GCLM: variants seen among roughly 807,000 people sequenced by gnomAD.
GCLM encodes the protein glutamate-cysteine ligase modifier subunit.
A neutral mutation model predicts 36.0 loss-of-function variants in GCLM; 15 were observed. That is an observed-to-expected ratio of 0.42 (90% CI 0.28 to 0.64). GCLM has a LOEUF of 0.64. Ranked by LOEUF, GCLM falls within the 30% of genes least tolerant of loss-of-function variation. The pLI is 0.25. For synonymous variants in GCLM, 129 were observed against 122.8 expected, an observed-to-expected ratio of 1.05 and a Z score of -0.34; for missense variants, 242 against 325.5, an observed-to-expected ratio of 0.74 and a Z score of 1.97.
intron 1 of GCLM, among the ~76,000 whole-genome samples, chr1:93,908,039 A>C (rs1657207547): frequency 6.6e-6 from 1 of 152,208 alleles, no homozygotes; most frequent in Non-Finnish European, 1.5e-5. Context: ...TGACAGGGAG[A>C]TAGATGCCTG....
chr1:93,907,550 C>T lies in GCLM; in HGVS notation c.126+1488G>A, dbSNP rs572308764. Among the ~76,000 whole-genome samples the T allele has an allele frequency of 1.1e-4, 17 of 152,264 alleles. No homozygotes were observed. The South Asian group carries it at 3.1e-3, about 28-fold the overall frequency. ...AGTCAGAAACTCTTTTGAGTCACTA[C>T]TTTAGAGTATGCTATTGTGAGATAG... is the stretch of plus-strand genomic sequence containing the variant. On this transcript the variant is annotated intron_variant, in intron 1 of 6. Transcript: ENST00000370238.
At chr1:93,895,963 C>CTTTTT (rs577913729) in intron 5 of GCLM, among the ~76,000 whole-genome samples, 1 of 133,516 alleles carries the variant, frequency 7.5e-6, no homozygotes, top group Non-Finnish European at 1.6e-5. Context: ...GTTTTTCTTT[C>CTTTTT]TTTTTTTTTT....
At position 93,909,080 on chromosome 1, in the gene GCLM, C is replaced by A; in HGVS notation, c.84G>T (p.Trp28Cys). Residue 28 changes from tryptophan to cysteine, a missense_variant, in exon 1 of 7, where the codon TGG becomes TGT. Trp to Cys is a radical substitution (Grantham distance 215). Coordinates refer to ENST00000370238, the MANE Select transcript of GCLM (RefSeq NM_002061.4). The part of the protein sequence containing the change: ...LHLQTGNLLN[W>C]GRLRKKCPST... Reference sequence around the variant, plus strand: ...ACGGGCACTTCTTCCGCAGGCGGCCCCAGTTCAGCAGGTTCCCCGTCTGCA... The same window carrying A: ...ACGGGCACTTCTTCCGCAGGCGGCCACAGTTCAGCAGGTTCCCCGTCTGCA... The A allele has an allele frequency of 6.8e-7, 1 of 1,475,178 alleles. No individual in the cohort carries two copies. Among genetic ancestry groups the A allele is most frequent in the Non-Finnish European group, 8.9e-7 (1 of 1,118,800 alleles). 91.4% of individuals were successfully genotyped at this position (1,475,178 alleles called of 1,614,324 possible). A position where few individuals can be genotyped will look rare whatever the true frequency, so the allele number is the denominator to read the frequency against.
intron 3 of GCLM, among the ~76,000 whole-genome samples, chr1:93,901,143 A>T (rs889685772): frequency 6.6e-6 from 1 of 152,148 alleles, no homozygotes; most frequent in Non-Finnish European, 1.5e-5. Context: ...AATGGGTGTT[A>T]CAGTATTTTC....
intron 1 of GCLM, 42 bp from the exon 2 acceptor site, chr1:93,904,630 T>C (rs780500496): frequency 8.1e-7 from 1 of 1,229,330 alleles, no homozygotes; most frequent in South Asian, 1.2e-5. Flanking sequence ...TCAAAGTCTA[T>C]ATACTTTTCT....
At chr1:93,908,658 C>T (rs1172463624) in intron 1 of GCLM, 2 of 161,398 alleles carry the variant, frequency 1.2e-5, no homozygotes, top group African/African-American at 2.4e-5. Flanking sequence ...CGAAAATATT[C>T]CTTTACCTGG....
chr1:93,908,929 G>A (rs1320438148), intron 1 of GCLM, 109 bp downstream of exon 1: 3 of 886,132 alleles, frequency 3.4e-6, no homozygotes, highest in South Asian at 2.6e-5. Flanking sequence ...AGGTGCGCGC[G>A]AGGCCCTGCC....
At chr1:93,898,135 A>G (rs17886490) in intron 3 of GCLM, among the ~76,000 whole-genome samples, 2 of 152,026 alleles carry the variant, frequency 1.3e-5, no homozygotes, top group East Asian at 3.8e-4. Context: ...CAAAAAGTAA[A>G]TATTTATTTC....
In GCLM at chr1:93,909,059, G is replaced by A. The variant is rs543559869; in HGVS notation, c.105C>T (p.Cys35=). ...LLNWGRLRKK[C]PSTHSEELHD... ...TCACCTCCTCGCTGTGCGTGGACGGGCACTTCTTCCGCAGGCGGCCCCAGT... is the reference window on the plus strand; with the variant it reads ...TCACCTCCTCGCTGTGCGTGGACGGACACTTCTTCCGCAGGCGGCCCCAGT... Residue 35 remains cysteine (C), a synonymous_variant, in exon 1 of 7, where the codon TGC becomes TGT. Coordinates refer to ENST00000370238, the MANE Select transcript of GCLM (RefSeq NM_002061.4). The A allele has an allele frequency of 1.7e-4, 247 of 1,474,378 alleles. 3 individuals carry two copies. In the East Asian group the frequency reaches 7.3e-3, roughly 43 times the overall value. 91.3% of individuals were successfully genotyped at this position (1,474,378 alleles called of 1,614,324 possible).
chr1:93,894,759 T>A, intron 5 of GCLM, 31 bp from the exon 6 acceptor site: 1 of 986,760 alleles, frequency 1.0e-6, no homozygotes, highest in Non-Finnish European at 1.6e-6. Flanking sequence ...ATGATATCAC[T>A]ACTAAATTAA....
intron 1 of GCLM, among the ~76,000 whole-genome samples, chr1:93,907,712 G>A (rs1171814469): frequency 6.6e-6 from 1 of 152,120 alleles, no homozygotes; most frequent in Non-Finnish European, 1.5e-5. Flanking sequence ...CAAAGTAGGT[G>A]GTTTAAATAA....
Position 93,886,472 on chromosome 1 carries a change from T to C in GCLM, c.*2518A>G, listed in dbSNP as rs1277370283. On this transcript the variant is annotated 3_prime_UTR_variant, in exon 7 of 7. Coordinates refer to ENST00000370238, the MANE Select transcript of GCLM (RefSeq NM_002061.4). ...TGTGAACATCAGCCTGGAAAACATA[T>C]ATAAAGCCTTAAAAATCAGTGTTTT... 2.0e-5 allele frequency: 3 copies of C among 152,122 alleles called. No individual in the cohort carries two copies. The highest frequency in any genetic ancestry group is 4.8e-5 in the African/African-American group (2 of 41,440). 9.4% of individuals were successfully genotyped at this position (152,122 alleles called of 1,614,324 possible). A position where few individuals can be genotyped will look rare whatever the true frequency, so the allele number is the denominator to read the frequency against.
Position 93,887,012 on chromosome 1 carries a change from T to TTC in GCLM, c.*1977_*1978insGA, listed in dbSNP as rs1297365313. 1 of 151,648 alleles carries TTC rather than the reference T, an allele frequency of 6.6e-6. No individual in the cohort carries two copies. The highest frequency in any genetic ancestry group is 1.9e-4 in the East Asian group (1 of 5,200). The allele number at this position is 151,648 out of a possible 1,614,324, so 9.4% of individuals were successfully genotyped here. A position where few individuals can be genotyped will look rare whatever the true frequency, so the allele number is the denominator to read the frequency against. ...CATAATTTTTCTTTTTTTTTTTTTT[T>TTC]TGAGACGCAGTCTCGCTCTGTCGCC... On this transcript the variant is annotated 3_prime_UTR_variant, in exon 7 of 7. Coordinates refer to ENST00000370238, the MANE Select transcript of GCLM (RefSeq NM_002061.4).
chr1:93,908,462 T>C lies in GCLM; in HGVS notation c.126+576A>G, dbSNP rs1657228289. ...GCATAGAATGTGTACTGATAAAGCA[T>C]ACATAGACGCACAGATAAGTGCATA... is the stretch of plus-strand genomic sequence containing the variant. On this transcript the variant is annotated intron_variant, in intron 1 of 6. Coordinates refer to ENST00000370238, the MANE Select transcript of GCLM (RefSeq NM_002061.4). Among the ~76,000 whole-genome samples, 3 of 152,342 alleles carry C rather than the reference T, an allele frequency of 2.0e-5. No homozygotes were observed. The South Asian group carries it at 6.2e-4, about 32-fold the overall frequency.
chr1:93,899,399 T>C (rs187814923), intron 3 of GCLM, among the ~76,000 whole-genome samples: 2 of 152,292 alleles, frequency 1.3e-5, no homozygotes, highest in East Asian at 3.9e-4. Context: ...TTTTTAATGG[T>C]TGAATATTAT....
intron 1 of GCLM, among the ~76,000 whole-genome samples, chr1:93,904,919 A>G (rs1657089501): frequency 6.6e-6 from 1 of 152,188 alleles, no homozygotes. Context: ...CATGCCTGTA[A>G]TCCCAGCACT....
At position 93,909,081 on chromosome 1, in the gene GCLM, C is replaced by T. The variant is rs778838905; in HGVS notation, c.83G>A (p.Trp28Ter). Reference protein sequence around the residue: ...LHLQTGNLLNWGRLRKKCPST... With the variant: ...LHLQTGNLLN ...CGGGCACTTCTTCCGCAGGCGGCCC[C>T]AGTTCAGCAGGTTCCCCGTCTGCAG... The change falls in exon 1 of 7, where the codon TGG becomes TAG. Residue 28 changes from tryptophan to a stop codon, truncating the protein, a stop_gained. Transcript: ENST00000370238. LOFTEE classifies it high-confidence loss of function. The T allele has an allele frequency of 6.8e-7, 1 of 1,474,194 alleles. No individual in the cohort carries two copies. The highest frequency in any genetic ancestry group is 1.3e-5 in the South Asian group (1 of 78,198). 91.3% of individuals were successfully genotyped at this position (1,474,194 alleles called of 1,614,324 possible).
intron 2 of GCLM, among the ~76,000 whole-genome samples, chr1:93,903,220 C>A (rs1657022921): frequency 6.6e-6 from 1 of 152,004 alleles, no homozygotes; most frequent in Non-Finnish European, 1.5e-5. Context: ...TGGGTAGATA[C>A]TAAGGAGCAT....
chr1:93,909,357 G>A lies in GCLM; in HGVS notation c.-194C>T. 2 of 1,001,324 alleles carry A rather than the reference G, an allele frequency of 2.0e-6. No individual in the cohort carries two copies. The highest frequency in any genetic ancestry group is 5.7e-5 in the Admixed American group (1 of 17,648). The allele number at this position is 1,001,324 out of a possible 1,614,324, so 62.0% of individuals were successfully genotyped here. A position where few individuals can be genotyped will look rare whatever the true frequency, so the allele number is the denominator to read the frequency against. On this transcript the variant is annotated 5_prime_UTR_variant, in exon 1 of 7. Transcript: ENST00000370238. ...GCCGGACGGCGGCTGGGCGGCGGCG[G>A]GAAAGGAAGGCACCGGTGGCTGCGG...
Sources: gnomAD v4.1 joint callset for allele counts (sites outside exome capture counted in the v4.1 genomes callset) on GRCh38, gnomAD v4.1.1 for gene constraint, MANE v1.5 for transcripts, NCBI Gene and HGNC (gene_info 2026-07-23, HGNC 2026-07-21) for gene names.